INSL6: variants seen among roughly 807,000 people sequenced by gnomAD.
INSL6 encodes the protein insulin like 6, also known as insulin-like peptide INSL6.
INSL6 carries 16 observed loss-of-function variants against 9.4 expected under a neutral mutation model. The observed-to-expected ratio is 1.70, with a 90% confidence interval of 1.15 to 2.59. The LOEUF (loss-of-function observed/expected upper bound fraction) is 2.59. Ranked by LOEUF, INSL6 falls within the 30% of genes most tolerant of loss-of-function variation. The pLI, the probability that INSL6 is intolerant of heterozygous loss-of-function variation, is 0.00. For missense variants in INSL6, 391 were observed against 257.3 expected (o/e 1.52, Z -3.56); for synonymous variants, 154 against 96.9 (o/e 1.59, Z -3.46).
intron 2 of INSL6, among the ~76,000 whole-genome samples, chr9:5,146,754 T>G (rs759219807): frequency 6.6e-6 from 1 of 152,156 alleles, no homozygotes; most frequent in South Asian, 2.1e-4. Flanking sequence ...AGCAAAGCAA[T>G]GTAGGCAGTT....
At chr9:5,141,516 G>A (rs1302315684) in intron 2 of INSL6, among the ~76,000 whole-genome samples, 1 of 152,132 alleles carries the variant, frequency 6.6e-6, no homozygotes, top group South Asian at 2.1e-4. Context: ...AAAAGTGTCT[G>A]TTCATGTCCT....
the INSL6 span, among the ~76,000 whole-genome samples, chr9:5,015,533 CTTTTCTT>C: frequency 6.1e-5 from 8 of 131,490 alleles, no homozygotes; most frequent in Admixed American, 7.5e-5. Flanking sequence ...TTTTCTTTTT[CTTTTCTT>C]TTTTTTTTTT....
At chr9:5,085,754 T>C in the INSL6 span, 1 of 755,596 alleles carries the variant, frequency 1.3e-6, no homozygotes, top group African/African-American at 1.7e-5. Flanking sequence ...GCTGGCTAGC[T>C]TGCACATGTC....
At chr9:5,054,545 G>T in the INSL6 span, 1 of 1,537,542 alleles carries the variant, frequency 6.5e-7, no homozygotes. This position sits in a 1 kb window ranked among gnomAD's most constrained non-coding sequence, Gnocchi z 4.9. Context: ...TTTTCTGTAT[G>T]TGCTTTTTTA....
chr9:5,085,599 A>G, the INSL6 span: 1 of 697,368 alleles, frequency 1.4e-6, no homozygotes, highest in Non-Finnish European at 2.7e-6. Flanking sequence ...TAGATACTAC[A>G]GAAAGAATTA....
At chr9:5,076,690 C>T in the INSL6 span, among the ~76,000 whole-genome samples, 11 of 152,104 alleles carry the variant, frequency 7.2e-5, no homozygotes, top group East Asian at 1.5e-3. Context: ...TATTTTAGTG[C>T]CTCACAAAGT....
chr9:5,075,419 G>GGCCAATGCCATTGGTGATT, the INSL6 span, among the ~76,000 whole-genome samples: 1 of 152,130 alleles, frequency 6.6e-6, no homozygotes, highest in Non-Finnish European at 1.5e-5. Context: ...TCTTGCTAAG[G>GGCCAATGCCATTGGTGATT]GCCAATGCCA....
the INSL6 span, among the ~76,000 whole-genome samples, chr9:4,999,057 C>T: frequency 1.6e-4 from 24 of 152,010 alleles, no homozygotes; most frequent in African/African-American, 5.8e-4. Flanking sequence ...GATCTCCTGA[C>T]CTTGTGATCC....
chr9:5,126,393 G>T, intron 3 of INSL6: 1 of 1,611,078 alleles, frequency 6.2e-7, no homozygotes, highest in South Asian at 1.1e-5. Flanking sequence ...CCATTTGATA[G>T]AACTTTTGAA....
At chr9:5,091,475 G>C in the INSL6 span, 4 of 152,138 alleles carry the variant, frequency 2.6e-5, no homozygotes, top group Admixed American at 2.0e-4. Flanking sequence ...TTTAATTTTT[G>C]AGGGGGAGGG....
the INSL6 span, among the ~76,000 whole-genome samples, chr9:5,000,839 G>A: frequency 6.6e-6 from 1 of 152,174 alleles, no homozygotes; most frequent in Non-Finnish European, 1.5e-5. Flanking sequence ...ATAAATATCA[G>A]GTAAGAACTT....
At chr9:5,175,609 A>T (rs1428256091) in intron 1 of INSL6, among the ~76,000 whole-genome samples, 1 of 152,174 alleles carries the variant, frequency 6.6e-6, no homozygotes, top group Non-Finnish European at 1.5e-5. Context: ...CAGGCGAGCG[A>T]GCAAAGCTTC....
the INSL6 span, among the ~76,000 whole-genome samples, chr9:5,036,696 T>A: frequency 6.6e-6 from 1 of 152,178 alleles, no homozygotes; most frequent in African/African-American, 2.4e-5. Flanking sequence ...CCTTACACCT[T>A]ATACAAAAAT....
the INSL6 span, chr9:5,094,841 A>C: frequency 1.3e-5 from 2 of 152,146 alleles, no homozygotes; most frequent in Non-Finnish European, 2.9e-5. Flanking sequence ...CTGTACCATA[A>C]ATTTCATTAC....
the INSL6 span, chr9:5,111,213 G>A: frequency 2.6e-3 from 1,560 of 605,512 alleles, 40 homozygotes; most frequent in South Asian, 0.02. Context: ...TCGGAGGCAA[G>A]AGCAGCTAGC....
chr9:5,015,545 T>C, the INSL6 span, among the ~76,000 whole-genome samples: 2 of 151,662 alleles, frequency 1.3e-5, no homozygotes, highest in African/African-American at 4.8e-5. Flanking sequence ...TTTCTTTTTT[T>C]TTTTTTTGAG....
chr9:5,126,417 T>C lies in INSL6; in HGVS notation c.*11-1906A>G, dbSNP rs747401404. 166 of 1,610,428 alleles carry C rather than the reference T, an allele frequency of 1.0e-4. 3 individuals are homozygous for C. In the South Asian group the frequency reaches 1.6e-3, roughly 16 times the overall value. ...AGAACTTTTGAAGAATAATGGAAGA[T>C]TACCAAGACCAGATGGATGCCCAGA... On this transcript the variant is annotated intron_variant, in intron 3 of 3. Transcript: ENST00000649639.
the INSL6 span, chr9:5,091,045 C>A: frequency 3.8e-6 from 2 of 529,252 alleles, no homozygotes; most frequent in Non-Finnish European, 3.1e-6. Flanking sequence ...TTACATTTAA[C>A]TTTTTTTTTT....
chr9:5,073,472 GCT>G, the INSL6 span, among the ~76,000 whole-genome samples: 3 of 152,086 alleles, frequency 2.0e-5, no homozygotes, highest in Non-Finnish European at 4.4e-5. Flanking sequence ...TACCACTCTT[GCT>G]CTCTCTCACT....
Sources: gnomAD v4.1 joint callset for allele counts (sites outside exome capture counted in the v4.1 genomes callset) on GRCh38, gnomAD v4.1.1 for gene constraint, Gnocchi (gnomAD v3.1) non-coding constraint, MANE v1.5 for transcripts, NCBI Gene and HGNC (gene_info 2026-07-23, HGNC 2026-07-21) for gene names.